The following ITSN2 variants were observed in gnomAD, a reference collection of about 807,000 sequenced individuals.
ITSN2 encodes the protein intersectin 2.
ITSN2 carries 156 observed loss-of-function variants against 243.7 expected under a neutral mutation model. That is an observed-to-expected ratio of 0.64 (90% CI 0.56 to 0.73). ITSN2 has a LOEUF of 0.73. Among genes scored for constraint, ITSN2 ranks in the 30% least tolerant of loss-of-function variants. The probability of loss-of-function intolerance (pLI) is 0.00; values close to 1 mark genes in which losing one functional copy is unlikely to be tolerated. For missense variants in ITSN2, 1,801 were observed against 1,996.1 expected (o/e 0.90, Z 1.86); for synonymous variants, 703 against 699.9 (o/e 1.00, Z -0.07).
rs544306277 is a variant in ITSN2 at position 24,247,041 on chromosome 2, G to C, written c.3289-148C>G. 9.7e-5 allele frequency: 58 copies of C among 598,492 alleles called. 1 individual carries two copies. The South Asian group carries it at 1.1e-3, about 12-fold the overall frequency. 37.1% of individuals were successfully genotyped at this position (598,492 alleles called of 1,614,324 possible). A position where few individuals can be genotyped will look rare whatever the true frequency, so the allele number is the denominator to read the frequency against. Reference sequence around the variant, plus strand: ...GGTCTGGTTTTTGCCCTCAGCTCCTGGAAAGTAATCTCTAAATCCTTGGAC... The same window carrying C: ...GGTCTGGTTTTTGCCCTCAGCTCCTCGAAAGTAATCTCTAAATCCTTGGAC... On this transcript the variant is annotated intron_variant, in intron 27 of 39. Coordinates refer to ENST00000355123, the MANE Select transcript of ITSN2 (RefSeq NM_006277.3).
Position 24,317,385 on chromosome 2 carries a change from C to CA in ITSN2, c.32-2162dup, listed in dbSNP as rs780304772. Among the ~76,000 whole-genome samples the CA allele has an allele frequency of 4.7e-3, 537 of 113,404 alleles. 3 individuals are homozygous for CA. Among genetic ancestry groups the CA allele is most frequent in the African/African-American group, 8.5e-3 (262 of 30,888 alleles). 74.4% of individuals were successfully genotyped at this position (113,404 alleles called of 152,430 possible). Reference sequence around the variant, plus strand: ...CGCCGACAAGGGCAAGACGCAATCTCAAAAAAAAAAAAAAAGCGGCAACTA... The same window carrying CA: ...CGCCGACAAGGGCAAGACGCAATCTCAAAAAAAAAAAAAAAAGCGGCAACTA... On this transcript the variant is annotated intron_variant, in intron 2 of 39. Transcript: ENST00000355123.
At chr2:24,257,212 C>T (rs554522153) in intron 23 of ITSN2, among the ~76,000 whole-genome samples, 7 of 151,848 alleles carry the variant, frequency 4.6e-5, no homozygotes, top group Admixed American at 2.6e-4. Flanking sequence ...CCCAGCTAGC[C>T]GGGAAGCTGA....
At chr2:24,354,755 T>A (rs1302560198) in intron 1 of ITSN2, among the ~76,000 whole-genome samples, 10 of 152,218 alleles carry the variant, frequency 6.6e-5, no homozygotes, top group African/African-American at 2.4e-4. Context: ...AAATCACATA[T>A]ACTTTATCTA....
At chr2:24,335,062 C>A (rs1686213143) in intron 1 of ITSN2, 2 of 70,266 alleles carry the variant, frequency 2.8e-5, no homozygotes, top group African/African-American at 6.5e-5. Flanking sequence ...GACTCCGTCT[C>A]AAAAAAAAAA....
At chr2:24,274,027 C>T (rs11680810) in intron 18 of ITSN2, among the ~76,000 whole-genome samples, 21,531 of 152,110 alleles carry the variant, frequency 0.14, 2,013 homozygotes, top group Non-Finnish European at 0.22. Context: ...TGAAATTAAA[C>T]GCATATAACT....
At chr2:24,272,496 A>G (rs896852340) in intron 18 of ITSN2, among the ~76,000 whole-genome samples, 8 of 151,114 alleles carry the variant, frequency 5.3e-5, no homozygotes. Flanking sequence ...CAGTGGTTCA[A>G]TCACAGGTCA....
At chr2:24,295,243 T>A (rs1432789697) in intron 14 of ITSN2, among the ~76,000 whole-genome samples, 1 of 152,282 alleles carries the variant, frequency 6.6e-6, no homozygotes. Context: ...TGTATTTAGA[T>A]CACAAGCCTA....
chr2:24,353,187 T>C (rs1688168764), intron 1 of ITSN2, among the ~76,000 whole-genome samples: 2 of 152,338 alleles, frequency 1.3e-5, no homozygotes, highest in African/African-American at 2.4e-5. Flanking sequence ...ATATTTTTAA[T>C]GTACATAGGG....
chr2:24,206,274 A>C, intron 37 of ITSN2: 1 of 437,286 alleles, frequency 2.3e-6, no homozygotes, highest in Non-Finnish European at 4.6e-6. Flanking sequence ...AATGGGGGAA[A>C]CCTGAATAAA....
intron 29 of ITSN2, among the ~76,000 whole-genome samples, chr2:24,222,838 G>A (rs1670614539): frequency 6.6e-6 from 1 of 151,712 alleles, no homozygotes; most frequent in Admixed American, 6.6e-5. Context: ...ACCACGCCCA[G>A]CTAATTTTTG....
chr2:24,283,488 A>C (rs191386021), intron 17 of ITSN2, among the ~76,000 whole-genome samples: 38 of 152,286 alleles, frequency 2.5e-4, no homozygotes, highest in Admixed American at 4.6e-4. Context: ...GGCCTCCCAA[A>C]GTGTTGGGAT....
intron 18 of ITSN2, among the ~76,000 whole-genome samples, chr2:24,272,791 T>C (rs1002367105): frequency 2.6e-5 from 4 of 152,200 alleles, no homozygotes; most frequent in African/African-American, 7.2e-5. Context: ...TAATAGAGCA[T>C]TTCTCCTCTC....
At chr2:24,306,199 C>G (rs1261715742) in intron 8 of ITSN2, among the ~76,000 whole-genome samples, 1 of 152,110 alleles carries the variant, frequency 6.6e-6, no homozygotes, top group Non-Finnish European at 1.5e-5. Flanking sequence ...AGGCTGGTCT[C>G]AAACTCCTGA....
At position 24,246,885 on chromosome 2, in the gene ITSN2, T is replaced by C. The variant is rs778903437; in HGVS notation, c.3297A>G (p.Gly1099=). The change falls in exon 28 of 40, where the codon GGA becomes GGG. Residue 1099 remains glycine (G), a synonymous_variant. Coordinates refer to ENST00000355123, the MANE Select transcript of ITSN2 (RefSeq NM_006277.3). ...GAAACCATCCTTTCTGTCGCTTTTT[T>C]CCTCTGGCCTAAAAATTAGCAAAAG... ...GWWQGELQAR[G]KKRQKGWFPA... is the part of the protein sequence containing the mutation. 5 of 1,610,344 alleles carry C rather than the reference T, an allele frequency of 3.1e-6. No homozygotes were observed. In the South Asian group the frequency reaches 3.3e-5, roughly 11 times the overall value.
intron 1 of ITSN2, among the ~76,000 whole-genome samples, chr2:24,351,102 C>G (rs778437755): frequency 1.3e-5 from 2 of 152,096 alleles, no homozygotes; most frequent in African/African-American, 4.8e-5. Flanking sequence ...TTCAACCTCC[C>G]CACCTCCACC....
chr2:24,306,838 G>A (rs768408333), intron 8 of ITSN2, among the ~76,000 whole-genome samples: 3 of 150,312 alleles, frequency 2.0e-5, no homozygotes, highest in African/African-American at 2.5e-5. Context: ...ACAGAGTCTC[G>A]TTCTGTTGCC....
At position 24,203,574 on chromosome 2, in the gene ITSN2, T is replaced by G. The variant is rs1453362896; in HGVS notation, c.*52A>C. ...GCCCCAAGAGAGCGCAGTCTCTCATTCTCCAGCCCCAGCCTTGTGGGCTGT... is the reference window on the plus strand; with the variant it reads ...GCCCCAAGAGAGCGCAGTCTCTCATGCTCCAGCCCCAGCCTTGTGGGCTGT... On this transcript the variant is annotated 3_prime_UTR_variant, in exon 40 of 40. Coordinates refer to ENST00000355123, the MANE Select transcript of ITSN2 (RefSeq NM_006277.3). 2.6e-6 allele frequency: 4 copies of G among 1,565,458 alleles called. No homozygotes were observed. The East Asian group carries it at 6.8e-5, about 27-fold the overall frequency.
At chr2:24,224,137 G>A (rs1418301174) in intron 29 of ITSN2, among the ~76,000 whole-genome samples, 3 of 152,126 alleles carry the variant, frequency 2.0e-5, no homozygotes, top group Admixed American at 1.3e-4. Flanking sequence ...GGTGCTACTC[G>A]GTGTGGCCAG....
rs1393830755 is a variant in ITSN2, at chr2:24,264,397, AAAAG to A, written c.2356-2659_2356-2656del. Among the ~76,000 whole-genome samples the A allele has an allele frequency of 2.3e-4, 27 of 117,182 alleles. No individual in the cohort carries two copies. In the South Asian group the frequency reaches 4.8e-3, roughly 21 times the overall value. The allele number at this position is 117,182 out of a possible 152,430, so 76.9% of individuals were successfully genotyped here. ...GAGCGAAACTCTGTCTCAAAAAAAAAAAAGAAAGAAAGAAAGAAACACTATTTAT... is the reference window on the plus strand; with the variant it reads ...GAGCGAAACTCTGTCTCAAAAAAAAAAAAGAAAGAAAGAAACACTATTTAT... On this transcript the variant is annotated intron_variant, in intron 20 of 39. Transcript: ENST00000355123.
Sources: gnomAD v4.1 joint callset for allele counts (sites outside exome capture counted in the v4.1 genomes callset) on GRCh38, gnomAD v4.1.1 for gene constraint, MANE v1.5 for transcripts, NCBI Gene and HGNC (gene_info 2026-07-23, HGNC 2026-07-21) for gene names.